HDAC9: variants seen among roughly 807,000 people sequenced by gnomAD.
The protein encoded by HDAC9 is histone deacetylase 9.
A neutral mutation model predicts 139.4 loss-of-function variants in HDAC9; 41 were observed. That is an observed-to-expected ratio of 0.29 (90% confidence interval 0.23 to 0.38). The LOEUF (loss-of-function observed/expected upper bound fraction) is 0.38. Among genes scored for constraint, HDAC9 ranks in the 10% least tolerant of loss-of-function variants. HDAC9 has a pLI of 1.00. For synonymous variants in HDAC9, 517 were observed against 476.2 expected (o/e 1.09, Z -1.12); for missense variants, 1,147 against 1,297.0 (o/e 0.88, Z 1.78).
chr7:18,487,990 A>G (rs1193026113), intron 1 of HDAC9, among the ~76,000 whole-genome samples: 1 of 152,076 alleles, frequency 6.6e-6, no homozygotes, highest in Non-Finnish European at 1.5e-5. Context: ...AGAATTTCCA[A>G]GTTGATAAAT....
rs557409960 is a variant in HDAC9 at position 18,497,249 on chromosome 7, T to G, written c.22+925T>G. Among the ~76,000 whole-genome samples, 11 of 152,262 alleles carry G rather than the reference T, an allele frequency of 7.2e-5. No individual in the cohort carries two copies. In the South Asian group the frequency reaches 2.3e-3, roughly 32 times the overall value. On this transcript the variant is annotated intron_variant, in intron 2 of 25. Coordinates refer to ENST00000686413, the MANE Select transcript of HDAC9 (RefSeq NM_178425.4). ...CTAAAATTGGCTTAAAGTTCTCACT[T>G]AGATCCCACTTCCCATGTGGGCTTA...
chr7:18,405,104 G>A (rs1183831807), intron 1 of HDAC9, among the ~76,000 whole-genome samples: 4 of 152,164 alleles, frequency 2.6e-5, no homozygotes, highest in Admixed American at 6.5e-5. Context: ...GGGAGCATGC[G>A]CAAACTCCAT....
At chr7:18,094,819 C>T (rs1032114586) in intron 1 of HDAC9, among the ~76,000 whole-genome samples, 1 of 151,982 alleles carries the variant, frequency 6.6e-6, no homozygotes, top group African/African-American at 2.4e-5. Flanking sequence ...GATTTCAATC[C>T]TAAACTTGGA....
chr7:18,089,443 T>C (rs145210834), intron 1 of HDAC9, among the ~76,000 whole-genome samples: 2 of 152,174 alleles, frequency 1.3e-5, no homozygotes, highest in East Asian at 3.9e-4. Flanking sequence ...GTTATTATGG[T>C]AGAAAGAGTT....
intron 2 of HDAC9, among the ~76,000 whole-genome samples, chr7:18,269,040 T>G (rs1020235587): frequency 2.0e-5 from 3 of 152,206 alleles, no homozygotes; most frequent in Non-Finnish European, 2.9e-5. Flanking sequence ...TTATAGTTAC[T>G]TAGATTTCCA....
At chr7:18,915,861 T>C (rs1803146756) in intron 22 of HDAC9, among the ~76,000 whole-genome samples, 2 of 151,746 alleles carry the variant, frequency 1.3e-5, no homozygotes, top group Admixed American at 6.6e-5. Flanking sequence ...TTCCTTTGGA[T>C]ATTTTCTCAT....
intron 7 of HDAC9, among the ~76,000 whole-genome samples, 177 bp from the exon 8 acceptor site, chr7:18,634,450 T>C (rs112471832): frequency 6.6e-6 from 1 of 151,876 alleles, no homozygotes; most frequent in Non-Finnish European, 1.5e-5. Context: ...AAAGGAGGAA[T>C]AAGTGGTATG....
intron 1 of HDAC9, among the ~76,000 whole-genome samples, chr7:18,336,803 T>C (rs1781619507): frequency 6.6e-6 from 1 of 151,600 alleles, no homozygotes; most frequent in Non-Finnish European, 1.5e-5. Flanking sequence ...AAAGTGGTAG[T>C]GTCATACCAT....
Position 18,793,384 on chromosome 7 carries a change from G to A in HDAC9, c.2254G>A (p.Gly752Ser), listed in dbSNP as rs779864864. Residue 752 changes from glycine (G) to serine (S), a missense_variant, in exon 17 of 26, where the codon GGT (glycine) becomes AGT (serine). Transcript: ENST00000686413. ...DTIWNELHSSGAARMAVGCVI... is the reference protein window; with the variant it reads ...DTIWNELHSSSAARMAVGCVI... ...CATTTGGAATGAGCTACACTCGTCCGGTGCTGCACGCATGGCTGTTGGCTG... is the reference window on the plus strand; with the variant it reads ...CATTTGGAATGAGCTACACTCGTCCAGTGCTGCACGCATGGCTGTTGGCTG... 1.1e-5 allele frequency: 17 copies of A among 1,584,950 alleles called. No homozygotes were observed. The highest frequency in any genetic ancestry group is 2.3e-5 in the South Asian group (2 of 86,166).
intron 12 of HDAC9, among the ~76,000 whole-genome samples, chr7:18,716,919 T>C (rs1297201305): frequency 6.6e-6 from 1 of 151,898 alleles, no homozygotes; most frequent in Admixed American, 6.6e-5. Context: ...ATAAGTCACA[T>C]TATTGTTTTG....
chr7:18,775,189 T>C (rs982708525), intron 16 of HDAC9, among the ~76,000 whole-genome samples: 2 of 151,942 alleles, frequency 1.3e-5, no homozygotes, highest in African/African-American at 2.4e-5. Flanking sequence ...CTATCAAAGA[T>C]GACTGATCAC....
chr7:18,779,876 A>T (rs750763594), intron 16 of HDAC9, among the ~76,000 whole-genome samples: 1 of 151,998 alleles, frequency 6.6e-6, no homozygotes, highest in African/African-American at 2.4e-5. Flanking sequence ...ATAGTCTACC[A>T]TTAGAATCAA....
chr7:18,591,031 G>C (rs1583788813), intron 4 of HDAC9, among the ~76,000 whole-genome samples: 3 of 152,134 alleles, frequency 2.0e-5, no homozygotes, highest in Non-Finnish European at 4.4e-5. Context: ...ACTTGAACTG[G>C]AATTGTCAGC....
intron 1 of HDAC9, among the ~76,000 whole-genome samples, chr7:18,107,140 TC>T (rs1475534561): frequency 1.3e-5 from 2 of 152,132 alleles, no homozygotes; most frequent in African/African-American, 2.4e-5. Flanking sequence ...CTGCCCCCTC[TC>T]CCCTGCCCTG....
rs560009628 is a variant in HDAC9 at position 18,598,480 on chromosome 7, A to G, written c.664+4451A>G. Among the ~76,000 whole-genome samples, 5 of 152,284 alleles carry G rather than the reference A, an allele frequency of 3.3e-5. No homozygotes were observed. In the South Asian group the frequency reaches 8.3e-4, roughly 25 times the overall value. The stretch of plus-strand genomic sequence containing the variant: ...ATACCACTTGGAAATTTGGGTCCTC[A>G]ATCTTGAGCGATTAATTTAACCTCT... On this transcript the variant is annotated intron_variant, in intron 6 of 25. Coordinates refer to ENST00000686413, the MANE Select transcript of HDAC9 (RefSeq NM_178425.4).
chr7:18,864,780 G>A (rs1366981288), intron 21 of HDAC9, among the ~76,000 whole-genome samples: 3 of 152,080 alleles, frequency 2.0e-5, no homozygotes, highest in South Asian at 2.1e-4. Context: ...ACTGTTTCAC[G>A]GTTACAGAGT....
Position 18,594,001 on chromosome 7 carries a change from A to G in HDAC9, c.636A>G (p.Ala212=), listed in dbSNP as rs1176197352. The change falls in exon 6 of 26, where the codon GCA becomes GCG. Residue 212 remains alanine, a synonymous_variant. Transcript: ENST00000686413. ...ACACATTACCAGGAGCACAAGATGC[A>G]AAGGATGATTTCCCCCTTCGAAAAA... ...YKYTLPGAQD[A]KDDFPLRKTA... 6.2e-7 allele frequency: 1 copy of G among 1,612,646 alleles called. No individual in the cohort carries two copies. The highest frequency in any genetic ancestry group is 8.5e-7 in the Non-Finnish European group (1 of 1,179,054).
intron 1 of HDAC9, among the ~76,000 whole-genome samples, chr7:18,416,069 G>A (rs1337405304): frequency 1.3e-5 from 2 of 152,050 alleles, no homozygotes; most frequent in African/African-American, 2.4e-5. Context: ...CAAGGTGGGC[G>A]GATCACCTGA....
At position 19,000,930 on chromosome 7, in the gene HDAC9, T is replaced by A. The variant is rs1786718008; in HGVS notation, c.*4868T>A. 6.6e-6 allele frequency: 1 copy of A among 152,202 alleles called. No individual in the cohort carries two copies. The highest frequency in any genetic ancestry group is 1.5e-5 in the Non-Finnish European group (1 of 68,022). The allele number at this position is 152,202 out of a possible 1,614,324, so 9.4% of individuals were successfully genotyped here. ...ACTAGGCCTACTGTCTTTCATGCCA[T>A]TTTATATAAACATTTTGATAGATAC... On this transcript the variant is annotated 3_prime_UTR_variant, in exon 26 of 26. Coordinates refer to ENST00000686413, the MANE Select transcript of HDAC9 (RefSeq NM_178425.4).
Sources: allele counts gnomAD v4.1 joint callset (sites outside exome capture counted in the v4.1 genomes callset), GRCh38; gene constraint gnomAD v4.1.1; transcripts MANE v1.5; gene names NCBI Gene and HGNC (gene_info 2026-07-23, HGNC 2026-07-21).